Variants in DLG2 observed in about 807,000 individuals in gnomAD.
DLG2 encodes discs large MAGUK scaffold protein 2.
DLG2 carries 45 observed loss-of-function variants against 132.5 expected under a neutral mutation model. The ratio of observed to expected loss-of-function variants is 0.34; its 90% CI spans 0.27 to 0.44. DLG2 has a LOEUF of 0.44. Among genes scored for constraint, DLG2 ranks in the 20% least tolerant of loss-of-function variants. The pLI is 1.00. For missense variants in DLG2, 1,045 were observed against 1,196.9 expected (o/e 0.87, Z 1.87); for synonymous variants, 424 against 419.6 (o/e 1.01, Z -0.13).
intron 6 of DLG2, among the ~76,000 whole-genome samples, chr11:85,044,054 C>A (rs75036311): frequency 2.6e-3 from 389 of 152,104 alleles, no homozygotes; most frequent in African/African-American, 8.8e-3. Context: ...TTCTGAATGG[C>A]CCCTGATCTT....
At chr11:84,014,777 T>TA (rs1447110059) in intron 11 of DLG2, among the ~76,000 whole-genome samples, 1 of 151,886 alleles carries the variant, frequency 6.6e-6, no homozygotes, top group Non-Finnish European at 1.5e-5. Flanking sequence ...CAATCCAATA[T>TA]AAAATCAATG....
intron 3 of DLG2, among the ~76,000 whole-genome samples, chr11:85,289,671 T>C (rs140355884): frequency 4.1e-4 from 63 of 152,266 alleles, no homozygotes; most frequent in African/African-American, 1.5e-3. Flanking sequence ...ATACCTGCTT[T>C]GAATTCATCT....
At chr11:85,530,920 A>C (rs1235932456) in intron 3 of DLG2, among the ~76,000 whole-genome samples, 2 of 152,208 alleles carry the variant, frequency 1.3e-5, no homozygotes, top group Admixed American at 1.3e-4. Flanking sequence ...TAGTTGTATA[A>C]TAATTTCCTG....
chr11:84,220,780 C>CTTTTTTTTT (rs5793114), intron 8 of DLG2, among the ~76,000 whole-genome samples: 27 of 77,516 alleles, frequency 3.5e-4, no homozygotes, highest in Admixed American at 5.8e-4. Flanking sequence ...TTTTTCTTTT[C>CTTTTTTTTT]TTTTTTTTTT....
chr11:84,332,234 CAG>C (rs2098463524), intron 7 of DLG2, among the ~76,000 whole-genome samples: 1 of 142,628 alleles, frequency 7.0e-6, no homozygotes, highest in Admixed American at 7.2e-5. Context: ...TTTTCTGAGA[CAG>C]AGTCTCGCTC....
At chr11:83,766,543 A>G (rs1593967370) in intron 18 of DLG2, among the ~76,000 whole-genome samples, 1 of 152,026 alleles carries the variant, frequency 6.6e-6, no homozygotes, top group East Asian at 1.9e-4. Flanking sequence ...GTGTGCCTTT[A>G]ATTATATTAT....
intron 6 of DLG2, among the ~76,000 whole-genome samples, chr11:84,834,728 G>T (rs569549224): frequency 6.7e-6 from 1 of 150,196 alleles, no homozygotes; most frequent in Non-Finnish European, 1.5e-5. Context: ...GAGAGCTGCT[G>T]TAAGATACAC....
At chr11:83,485,524 G>T (rs766188113) in intron 21 of DLG2, among the ~76,000 whole-genome samples, 32 of 152,102 alleles carry the variant, frequency 2.1e-4, no homozygotes, top group Non-Finnish European at 4.0e-4. Flanking sequence ...ATCAAGATTT[G>T]TTACCACACG....
chr11:85,470,458 C>G (rs547603608), intron 3 of DLG2, among the ~76,000 whole-genome samples: 2 of 152,172 alleles, frequency 1.3e-5, no homozygotes. Flanking sequence ...TATTGTGGCT[C>G]ATGCCTGTAA....
At chr11:84,787,861 G>A (rs1033239149) in intron 6 of DLG2, among the ~76,000 whole-genome samples, 1 of 151,896 alleles carries the variant, frequency 6.6e-6, no homozygotes, top group Non-Finnish European at 1.5e-5. Context: ...CACTTTGGGA[G>A]GCCGAGACAG....
intron 11 of DLG2, among the ~76,000 whole-genome samples, chr11:84,010,968 G>A (rs922485764): frequency 1.3e-5 from 2 of 151,822 alleles, no homozygotes; most frequent in East Asian, 1.9e-4. Flanking sequence ...CCTGTATTTC[G>A]AATTAGTTCT....
intron 15 of DLG2, among the ~76,000 whole-genome samples, chr11:83,874,699 T>A (rs573046521): frequency 1.7e-3 from 264 of 152,246 alleles, no homozygotes; most frequent in Non-Finnish European, 2.5e-3. Flanking sequence ...ACACAGATCA[T>A]TTATTTAAAA....
At position 83,502,859 on chromosome 11, in the gene DLG2, C is replaced by T. The variant is rs183241673; in HGVS notation, c.2194-18631G>A. 1.3e-4 allele frequency among the ~76,000 whole-genome samples: 20 copies of T among 152,236 alleles called. No homozygotes were observed. The East Asian group carries it at 3.7e-3, about 28-fold the overall frequency. ...CCCCATTCTTTTTCTGTTTCCATTG[C>T]TGTCTCCCCAGTACTTCTGAAGTTA... On this transcript the variant is annotated intron_variant, in intron 21 of 27. Coordinates refer to ENST00000376104, the MANE Select transcript of DLG2 (RefSeq NM_001142699.3).
chr11:84,375,759 A>G (rs2098726528), intron 7 of DLG2, among the ~76,000 whole-genome samples: 2 of 151,820 alleles, frequency 1.3e-5, no homozygotes, highest in African/African-American at 2.4e-5. Context: ...CAACATCTCT[A>G]CCTCTGCTTT....
chr11:85,265,984 G>A lies in DLG2; in HGVS notation c.186+19236C>T, dbSNP rs971727249. Among the ~76,000 whole-genome samples, 35 of 152,240 alleles carry A rather than the reference G, an allele frequency of 2.3e-4. 1 individual carries two copies. Among genetic ancestry groups the A allele is most frequent in the Non-Finnish European group, 7.4e-5 (5 of 68,020 alleles). On this transcript the variant is annotated intron_variant, in intron 4 of 27. Coordinates refer to ENST00000376104, the MANE Select transcript of DLG2 (RefSeq NM_001142699.3). Reference sequence around the variant, plus strand: ...TCTTGGATACCAGAAAAGAATTCAGGACCCACCAAATGTGGGTACCCAAAA... The same window carrying A: ...TCTTGGATACCAGAAAAGAATTCAGAACCCACCAAATGTGGGTACCCAAAA...
chr11:84,201,971 A>G (rs2096601582), intron 8 of DLG2, among the ~76,000 whole-genome samples: 1 of 151,320 alleles, frequency 6.6e-6, no homozygotes, highest in South Asian at 2.1e-4. Flanking sequence ...GGTGCATGCC[A>G]CCACACCTGA....
chr11:83,511,363 G>A (rs543698603), intron 21 of DLG2, among the ~76,000 whole-genome samples: 4 of 152,204 alleles, frequency 2.6e-5, no homozygotes, highest in African/African-American at 4.8e-5. Context: ...TGCTTAGTAC[G>A]GTGCCTGGAA....
intron 10 of DLG2, among the ~76,000 whole-genome samples, chr11:84,081,296 T>C (rs1045592711): frequency 6.6e-6 from 1 of 152,154 alleles, no homozygotes; most frequent in African/African-American, 2.4e-5. Context: ...TTATACATTG[T>C]CTTAGCTCAA....
At chr11:83,680,826 G>A (rs1411515980) in intron 18 of DLG2, among the ~76,000 whole-genome samples, 3 of 152,034 alleles carry the variant, frequency 2.0e-5, no homozygotes, top group African/African-American at 4.8e-5. Context: ...TGGTGGTGCC[G>A]ATAACCAAAA....
Sources: allele counts gnomAD v4.1 joint callset (sites outside exome capture counted in the v4.1 genomes callset), GRCh38; gene constraint gnomAD v4.1.1; transcripts MANE v1.5; gene names NCBI Gene and HGNC (gene_info 2026-07-23, HGNC 2026-07-21).